The following TENM3 variants were observed in gnomAD, a reference collection of about 807,000 sequenced individuals.
TENM3 encodes teneurin transmembrane protein 3, also known as teneurin-3.
Under a neutral mutation model 255.1 loss-of-function variants are expected in TENM3, and 63 were observed. The observed-to-expected ratio is 0.25, with a 90% confidence interval of 0.20 to 0.30. The LOEUF is 0.30. Among genes scored for constraint, TENM3 ranks in the 10% least tolerant of loss-of-function variants. TENM3 has a pLI of 1.00. For missense variants in TENM3, 2,929 were observed against 3,461.1 expected (o/e 0.85, Z 3.86); for synonymous variants, 1,306 against 1,322.3 (o/e 0.99, Z 0.27).
At chr4:182,185,880 T>G (rs1357952887) in intron 1 of TENM3, among the ~76,000 whole-genome samples, 1 of 152,218 alleles carries the variant, frequency 6.6e-6, no homozygotes, top group Admixed American at 6.5e-5. Flanking sequence ...AAACATGGAA[T>G]GTCCAGCTTA....
the TENM3 span, among the ~76,000 whole-genome samples, chr4:181,593,391 T>A: frequency 6.6e-6 from 1 of 152,186 alleles, no homozygotes; most frequent in Non-Finnish European, 1.5e-5. Context: ...CTTTTGTGTA[T>A]TTTTTAGAGG....
chr4:181,536,861 T>A, the TENM3 span, among the ~76,000 whole-genome samples: 1 of 152,286 alleles, frequency 6.6e-6, no homozygotes, highest in Admixed American at 6.5e-5. Context: ...GAAAGTGTAG[T>A]ATTAATTTGC....
intron 1 of TENM3, among the ~76,000 whole-genome samples, chr4:182,154,083 A>AT (rs1750527861): frequency 6.6e-6 from 1 of 152,054 alleles, no homozygotes; most frequent in African/African-American, 2.4e-5. Flanking sequence ...AGTCTGGAAC[A>AT]TAATCACTTG....
At chr4:182,369,027 T>TC (rs549162539) in intron 3 of TENM3, among the ~76,000 whole-genome samples, 62 of 152,282 alleles carry the variant, frequency 4.1e-4, no homozygotes, top group African/African-American at 1.4e-3. Flanking sequence ...TCCTTTGCCC[T>TC]CCCCCACATT....
At chr4:182,026,180 T>G in the TENM3 span, among the ~76,000 whole-genome samples, 1 of 152,220 alleles carries the variant, frequency 6.6e-6, no homozygotes, top group Admixed American at 6.5e-5. Context: ...TGCATAGTGC[T>G]CCATGGTGTA....
chr4:182,182,533 C>G (rs887501514), intron 1 of TENM3, among the ~76,000 whole-genome samples: 1 of 152,160 alleles, frequency 6.6e-6, no homozygotes, highest in East Asian at 1.9e-4. Context: ...CGTATTTCTG[C>G]ACCAGGAGAA....
the TENM3 span, among the ~76,000 whole-genome samples, chr4:182,048,355 C>A: frequency 1.3e-5 from 2 of 151,840 alleles, no homozygotes; most frequent in African/African-American, 2.4e-5. Context: ...CCATTTTTTT[C>A]TTTTCTCGTT....
At chr4:181,598,873 C>T in the TENM3 span, among the ~76,000 whole-genome samples, 13,911 of 152,028 alleles carry the variant, frequency 0.092, 746 homozygotes, top group Middle Eastern at 0.14. Flanking sequence ...TTTTTAAACA[C>T]GCAGGTTTTT....
At chr4:181,985,634 A>G in the TENM3 span, among the ~76,000 whole-genome samples, 1 of 152,094 alleles carries the variant, frequency 6.6e-6, no homozygotes, top group Non-Finnish European at 1.5e-5. Context: ...TGGATAATAG[A>G]TGTGTCCCCA....
Position 182,751,844 on chromosome 4 carries a change from C to G in TENM3, c.3674C>G (p.Thr1225Arg), listed in dbSNP as rs763018039. The stretch of plus-strand genomic sequence containing the variant: ...TACTACCTTGCAACGGATCCAGTCA[C>G]GGGAGATCTGTACGTTTCTGACACA... ...HRYYLATDPV[T>R]GDLYVSDTNT... Residue 1225 changes from threonine (T) to arginine (R), a missense_variant, in exon 20 of 28, where the codon ACG becomes AGG. Around this residue, in one of 6 missense-constraint regions of TENM3, gnomAD observed 1,608 missense variants for 1,884.4 expected, o/e 0.85. Transcript: ENST00000511685. 1 of 1,613,808 alleles carries G rather than the reference C, an allele frequency of 6.2e-7. No individual in the cohort carries two copies. The highest frequency in any genetic ancestry group is 8.5e-7 in the Non-Finnish European group (1 of 1,179,888).
the TENM3 span, among the ~76,000 whole-genome samples, chr4:181,466,110 A>ATTTTTTTTCTTTATTTTTTT: frequency 5.2e-5 from 1 of 19,078 alleles, no homozygotes; most frequent in African/African-American, 1.3e-4. Context: ...GTCTCCAGGA[A>ATTTTTTTTCTTTATTTTTTT]TTTTTTTTTT....
chr4:182,355,107 G>T (rs1429064209), intron 3 of TENM3, among the ~76,000 whole-genome samples: 1 of 152,182 alleles, frequency 6.6e-6, no homozygotes, highest in Non-Finnish European at 1.5e-5. Flanking sequence ...AGAGCCGATT[G>T]TTGCCAACAG....
At chr4:182,708,663 TGGCG>T (rs1261018249) in intron 12 of TENM3, among the ~76,000 whole-genome samples, 1 of 151,974 alleles carries the variant, frequency 6.6e-6, no homozygotes, top group Non-Finnish European at 1.5e-5. Flanking sequence ...CCAGGTGTGG[TGGCG>T]GGCGCCTGTA....
intron 3 of TENM3, among the ~76,000 whole-genome samples, chr4:182,420,984 T>C (rs547834792): frequency 1.3e-5 from 2 of 152,156 alleles, no homozygotes; most frequent in South Asian, 4.2e-4. Context: ...AAAAAAAAAG[T>C]CAAATGCCAA....
intron 1 of TENM3, among the ~76,000 whole-genome samples, chr4:182,214,980 G>A (rs963776812): frequency 7.9e-5 from 12 of 152,064 alleles, no homozygotes; most frequent in Admixed American, 7.2e-4. Context: ...CAAAATCGTG[G>A]CACACAAATG....
chr4:181,880,932 G>A, the TENM3 span, among the ~76,000 whole-genome samples: 4 of 152,130 alleles, frequency 2.6e-5, no homozygotes, highest in African/African-American at 9.7e-5. Context: ...TTCTGTTCCT[G>A]AAACATAGGA....
At chr4:182,224,954 G>T (rs187121071) in intron 1 of TENM3, among the ~76,000 whole-genome samples, 1 of 152,038 alleles carries the variant, frequency 6.6e-6, no homozygotes, top group East Asian at 1.9e-4. Context: ...GGCTGGTCTC[G>T]AACTCCTGAT....
At chr4:181,844,624 C>T in the TENM3 span, among the ~76,000 whole-genome samples, 2 of 151,372 alleles carry the variant, frequency 1.3e-5, no homozygotes, top group African/African-American at 4.9e-5. Context: ...GCTGAGATCA[C>T]ACCACTGCAC....
chr4:182,586,956 C>T (rs1490362064), intron 3 of TENM3, among the ~76,000 whole-genome samples: 1 of 152,046 alleles, frequency 6.6e-6, no homozygotes, highest in Non-Finnish European at 1.5e-5. Flanking sequence ...ATTTGTTTTT[C>T]CTATAGTTGC....
Sources: gnomAD v4.1 joint callset for allele counts (sites outside exome capture counted in the v4.1 genomes callset) on GRCh38, gnomAD v4.1.1 for gene constraint, gnomAD v4.1.1 regional missense constraint, MANE v1.5 for transcripts, NCBI Gene and HGNC (gene_info 2026-07-23, HGNC 2026-07-21) for gene names.